The following ZSWIM5 variants were observed in gnomAD, a reference collection of about 807,000 sequenced individuals.
The protein encoded by ZSWIM5 is zinc finger SWIM domain-containing protein 5.
ZSWIM5 carries 55 observed loss-of-function variants against 119.6 expected under a neutral mutation model. That is an observed-to-expected ratio of 0.46 (90% CI 0.37 to 0.58). The LOEUF is 0.58. Ranked by LOEUF, ZSWIM5 falls within the 20% of genes least tolerant of loss-of-function variation. ZSWIM5 has a pLI of 0.00. For missense variants in ZSWIM5, 1,193 were observed against 1,512.8 expected (o/e 0.79, Z 3.51); for synonymous variants, 537 against 606.9 (o/e 0.88, Z 1.69).
chr1:45,199,392 G>A (rs61789778), intron 1 of ZSWIM5, among the ~76,000 whole-genome samples: 10,988 of 151,086 alleles, frequency 0.073, 490 homozygotes, highest in Non-Finnish European at 0.1. Context: ...TCTGCCTCCC[G>A]GCTTCAAGCA....
intron 1 of ZSWIM5, among the ~76,000 whole-genome samples, chr1:45,167,279 G>A (rs1240644691): frequency 6.6e-6 from 1 of 151,634 alleles, no homozygotes; most frequent in Non-Finnish European, 1.5e-5. Flanking sequence ...TATGTAGAAA[G>A]CTGAAACTGG....
At chr1:45,040,295 T>C in intron 7 of ZSWIM5, 97 bp downstream of exon 7, 1 of 1,288,520 alleles carries the variant, frequency 7.8e-7, no homozygotes, top group Non-Finnish European at 1.0e-6. Context: ...GCAAGGAGAA[T>C]GACCCGGAAT....
rs74070896 is a variant in ZSWIM5 at position 45,198,769 on chromosome 1, C to T, written c.595+6987G>A. Among the ~76,000 whole-genome samples the T allele has an allele frequency of 6.7e-3, 1,019 of 152,314 alleles. 10 individuals carry two copies. Among genetic ancestry groups the T allele is most frequent in the African/African-American group, 0.022 (910 of 41,562 alleles). On this transcript the variant is annotated intron_variant, in intron 1 of 13. Transcript: ENST00000359600. ...AATAATGTAAAGAAGACTGCATTGACATGGTTGAATTCCTAGGACCTTCAT... is the reference window on the plus strand; with the variant it reads ...AATAATGTAAAGAAGACTGCATTGATATGGTTGAATTCCTAGGACCTTCAT...
chr1:45,122,880 G>C (rs1165519329), intron 1 of ZSWIM5, among the ~76,000 whole-genome samples: 1 of 152,100 alleles, frequency 6.6e-6, no homozygotes, highest in Non-Finnish European at 1.5e-5. Context: ...GCTATAACAA[G>C]GTGCCCCCTA....
chr1:45,091,935 T>C (rs1645367534), intron 1 of ZSWIM5, among the ~76,000 whole-genome samples: 1 of 144,536 alleles, frequency 6.9e-6, no homozygotes, highest in Non-Finnish European at 1.5e-5. Context: ...CACTATGTTA[T>C]AAAAAAAAAA....
Position 45,020,803 on chromosome 1 carries a change from A to G in ZSWIM5, c.2450-15T>C, listed in dbSNP as rs1277365824. The G allele has an allele frequency of 6.2e-7, 1 of 1,612,390 alleles. No individual in the cohort carries two copies. Among genetic ancestry groups the G allele is most frequent in the South Asian group, 1.1e-5 (1 of 90,938 alleles). ...CAAAGTGTCTCCTATAGGTGTCAAG[A>G]GAAGGGGCAGGGTCTATTTTAAAGT... On this transcript the variant is annotated splice_polypyrimidine_tract_variant and intron_variant, in intron 11 of 13. Coordinates refer to ENST00000359600, the MANE Select transcript of ZSWIM5 (RefSeq NM_020883.2).
intron 4 of ZSWIM5, among the ~76,000 whole-genome samples, chr1:45,053,955 A>G (rs1335643721): frequency 6.6e-6 from 1 of 152,168 alleles, no homozygotes; most frequent in Non-Finnish European, 1.5e-5. Flanking sequence ...CAAGACTGTT[A>G]TCAGTATCCA....
rs1031940997 is a variant in ZSWIM5 at position 45,043,349 on chromosome 1, C to G, written c.1479G>C (p.Glu493Asp). The change falls in exon 6 of 14, where the codon GAG becomes GAC. Residue 493 changes from glutamate (E) to aspartate (D), a missense_variant. By Grantham distance (45) the Glu-to-Asp change is conservative (BLOSUM62 2). Coordinates refer to ENST00000359600, the MANE Select transcript of ZSWIM5 (RefSeq NM_020883.2). ...PRRTVFTRAI[E>D]GRELHWQDSH... is the part of the protein sequence containing the mutation. ...TATCCTGCCAATGTAATTCACGCCC[C>G]TCAATGGCTCTAGTGAATACTGTTC... is the stretch of plus-strand genomic sequence containing the variant. 1 of 1,614,200 alleles carries G rather than the reference C, an allele frequency of 6.2e-7. No homozygotes were observed. Among genetic ancestry groups the G allele is most frequent in the Non-Finnish European group, 8.5e-7 (1 of 1,180,044 alleles).
Position 45,051,098 on chromosome 1 carries a change from G to A in ZSWIM5, c.1408C>T (p.Pro470Ser). The A allele has an allele frequency of 6.2e-7, 1 of 1,613,772 alleles. No homozygotes were observed. The highest frequency in any genetic ancestry group is 8.5e-7 in the Non-Finnish European group (1 of 1,179,900). Residue 470 changes from proline to serine, a missense_variant, in exon 5 of 14, where the codon CCC becomes TCC. Pro to Ser is a moderately conservative substitution (Grantham distance 74). This residue lies in a region of ZSWIM5 where 961 missense variants were observed against 1,290.0 expected (regional missense o/e 0.74). Transcript: ENST00000359600. ...HELPNITNAL[P>S]QSAIHSPDSL... is the part of the protein sequence containing the mutation. Reference sequence around the variant, plus strand: ...CCTGGGCTGTGAATGGCACTCTGGGGAAGTGCATTGGTGATGTTGGGCAGC... The same window carrying A: ...CCTGGGCTGTGAATGGCACTCTGGGAAAGTGCATTGGTGATGTTGGGCAGC...
intron 2 of ZSWIM5, among the ~76,000 whole-genome samples, chr1:45,069,316 C>T (rs1384906811): frequency 6.6e-6 from 1 of 151,730 alleles, no homozygotes; most frequent in Non-Finnish European, 1.5e-5. Flanking sequence ...GTCCCAGCTA[C>T]TGGGGAGGCT....
At chr1:45,095,409 AACC>A (rs1645395062) in intron 1 of ZSWIM5, among the ~76,000 whole-genome samples, 1 of 152,168 alleles carries the variant, frequency 6.6e-6, no homozygotes, top group South Asian at 2.1e-4. Context: ...TATAGGCATG[AACC>A]ACTGTGCCTG....
intron 2 of ZSWIM5, among the ~76,000 whole-genome samples, chr1:45,068,483 C>T (rs1183924878): frequency 9.1e-6 from 1 of 109,324 alleles, no homozygotes; most frequent in African/African-American, 3.7e-5. Flanking sequence ...GCAACGAGAG[C>T]GAAACTCCGT....
Position 45,115,574 on chromosome 1 carries a change from C to T in ZSWIM5, c.596-27337G>A, listed in dbSNP as rs185039058. 4.5e-4 allele frequency among the ~76,000 whole-genome samples: 61 copies of T among 135,996 alleles called. No homozygotes were observed. The Middle Eastern group carries it at 0.031, about 70-fold the overall frequency. 89.2% of individuals were successfully genotyped at this position (135,996 alleles called of 152,430 possible). A position where few individuals can be genotyped will look rare whatever the true frequency, so the allele number is the denominator to read the frequency against. Reference sequence around the variant, plus strand: ...GCAGAGGCGCTCCCCACATCTCAGACGATGGGCGGCCGGGCAGAGACGCTC... The same window carrying T: ...GCAGAGGCGCTCCCCACATCTCAGATGATGGGCGGCCGGGCAGAGACGCTC... On this transcript the variant is annotated intron_variant, in intron 1 of 13. Transcript: ENST00000359600.
Position 45,035,352 on chromosome 1 carries a change from G to A in ZSWIM5, c.2291+336C>T, listed in dbSNP as rs370147639. Among the ~76,000 whole-genome samples, 3 of 152,238 alleles carry A rather than the reference G, an allele frequency of 2.0e-5. No individual in the cohort carries two copies. In the East Asian group the frequency reaches 5.8e-4, roughly 29 times the overall value. ...ACCTGTGCCTGGGAACCTTGACTGA[G>A]TTGAACTACAGAAGGGCTCAGACCC... On this transcript the variant is annotated intron_variant, in intron 10 of 13. Coordinates refer to ENST00000359600, the MANE Select transcript of ZSWIM5 (RefSeq NM_020883.2).
chr1:45,025,382 G>A (rs761145250), intron 11 of ZSWIM5, among the ~76,000 whole-genome samples: 53 of 152,188 alleles, frequency 3.5e-4, no homozygotes, highest in Non-Finnish European at 6.5e-4. Context: ...GATTGGGATT[G>A]TGTTAAATCT....
chr1:45,104,807 A>G (rs1352303922), intron 1 of ZSWIM5, among the ~76,000 whole-genome samples: 1 of 152,154 alleles, frequency 6.6e-6, no homozygotes, highest in African/African-American at 2.4e-5. Flanking sequence ...TAACCTCCGA[A>G]GAACAGCCAT....
chr1:45,193,959 T>A (rs916286432), intron 1 of ZSWIM5, among the ~76,000 whole-genome samples: 1 of 151,784 alleles, frequency 6.6e-6, no homozygotes, highest in Admixed American at 6.6e-5. Flanking sequence ...TATATATACA[T>A]ACATGCACAT....
intron 1 of ZSWIM5, among the ~76,000 whole-genome samples, chr1:45,162,138 T>C (rs1645867370): frequency 6.6e-6 from 1 of 152,260 alleles, no homozygotes; most frequent in Admixed American, 6.5e-5. Context: ...AAAGATTTTA[T>C]GGCTCCCAGT....
chr1:45,125,770 A>C (rs1328532393), intron 1 of ZSWIM5, among the ~76,000 whole-genome samples: 1 of 151,778 alleles, frequency 6.6e-6, no homozygotes, highest in African/African-American at 2.4e-5. Context: ...TTTCACAAAA[A>C]AAAAAAAAAA....
Sources: gnomAD v4.1 joint callset for allele counts (sites outside exome capture counted in the v4.1 genomes callset) on GRCh38, gnomAD v4.1.1 for gene constraint, gnomAD v4.1.1 regional missense constraint, MANE v1.5 for transcripts, NCBI Gene and HGNC (gene_info 2026-07-23, HGNC 2026-07-21) for gene names.